The following PCLO variants were observed in gnomAD, a reference collection of about 807,000 sequenced individuals.
PCLO encodes protein piccolo.
PCLO carries 82 observed loss-of-function variants against 427.5 expected under a neutral mutation model. That is an observed-to-expected ratio of 0.19 (90% CI 0.16 to 0.23). The LOEUF is 0.23. Ranked by LOEUF, PCLO falls within the 10% of genes least tolerant of loss-of-function variation. The pLI is 1.00. For synonymous variants in PCLO, 2,357 were observed against 2,155.4 expected (o/e 1.09, Z -2.59); for missense variants, 6,239 against 6,115.9 (o/e 1.02, Z -0.67).
Position 83,134,905 on chromosome 7 carries a change from C to T in PCLO, c.2645G>A (p.Arg882Gln), listed in dbSNP as rs778545849. The T allele has an allele frequency of 6.9e-6, 11 of 1,602,460 alleles. No individual in the cohort carries two copies. Among genetic ancestry groups the T allele is most frequent in the Admixed American group, 5.1e-5 (3 of 58,932 alleles). ...PKGSPTPPGP[R>Q]PTAGQTVPTP... ...GGGGACAGTTTGGCCAGCGGTAGGT[C>T]GTGGGCCAGGGGGTGTTGGTGACCC... Residue 882 changes from arginine to glutamine, a missense_variant, in exon 3 of 25, where the codon CGA becomes CAA. By Grantham distance (43) the Arg-to-Gln change is conservative (BLOSUM62 1). Around this residue, in one of 5 missense-constraint regions of PCLO, gnomAD observed 4,677 missense variants for 4,468.4 expected, o/e 1.05. Transcript: ENST00000333891.
chr7:82,988,942 C>T (rs1796315331), intron 3 of PCLO, among the ~76,000 whole-genome samples: 2 of 151,930 alleles, frequency 1.3e-5, no homozygotes, highest in Non-Finnish European at 2.9e-5. Context: ...TCAAGCGATT[C>T]TCCTGCCTCA....
intron 3 of PCLO, among the ~76,000 whole-genome samples, chr7:83,126,140 T>C (rs2116584329): frequency 6.6e-6 from 1 of 152,320 alleles, no homozygotes; most frequent in East Asian, 1.9e-4. Flanking sequence ...ACAAATTTCT[T>C]ATATTCTCAC....
intron 10 of PCLO, among the ~76,000 whole-genome samples, chr7:82,852,722 A>C (rs1437667444): frequency 1.3e-5 from 2 of 152,122 alleles, no homozygotes; most frequent in African/African-American, 4.8e-5. Flanking sequence ...TCATATATAC[A>C]TATATCCTAT....
chr7:82,891,058 C>A (rs1240289640), intron 9 of PCLO, among the ~76,000 whole-genome samples: 1 of 151,804 alleles, frequency 6.6e-6, no homozygotes, highest in Non-Finnish European at 1.5e-5. Flanking sequence ...ACATTTAATT[C>A]AAAAAATCTT....
intron 3 of PCLO, among the ~76,000 whole-genome samples, chr7:83,065,265 AG>A (rs1468547079): frequency 2.0e-5 from 3 of 151,820 alleles, no homozygotes; most frequent in African/African-American, 7.2e-5. Flanking sequence ...AATTTCTATA[AG>A]GCTTTTTCTA....
At chr7:82,775,046 G>A (rs1311450819) in intron 22 of PCLO, among the ~76,000 whole-genome samples, 1 of 151,976 alleles carries the variant, frequency 6.6e-6, no homozygotes, top group Admixed American at 6.6e-5. Flanking sequence ...TTCCTTCCAT[G>A]TCTTTCATAG....
At chr7:82,782,353 C>G (rs532320500) in intron 22 of PCLO, among the ~76,000 whole-genome samples, 7 of 152,144 alleles carry the variant, frequency 4.6e-5, no homozygotes, top group African/African-American at 1.7e-4. Context: ...AAATAACATT[C>G]CCTTCCTTTT....
chr7:82,900,184 A>C (rs749410617), intron 9 of PCLO, among the ~76,000 whole-genome samples: 3 of 151,712 alleles, frequency 2.0e-5, no homozygotes, highest in Non-Finnish European at 4.4e-5. Context: ...GGAAAACAAC[A>C]TTAGACTCCT....
chr7:82,981,317 G>T (rs140788809), intron 3 of PCLO, among the ~76,000 whole-genome samples: 1 of 151,654 alleles, frequency 6.6e-6, no homozygotes, highest in East Asian at 2.0e-4. Context: ...ATTACCCAGA[G>T]ATTATATGCA....
At chr7:82,758,782 C>CT in intron 24 of PCLO, 67 bp from the exon 25 acceptor site, 2 of 951,030 alleles carry the variant, frequency 2.1e-6, no homozygotes, top group East Asian at 2.6e-5. Flanking sequence ...AGTTTTCAAC[C>CT]TTTTTTAAGG....
chr7:82,908,880 C>T lies in PCLO; in HGVS notation c.13434G>A (p.Glu4478=). 1 of 1,611,534 alleles carries T rather than the reference C, an allele frequency of 6.2e-7. No individual in the cohort carries two copies. Among genetic ancestry groups the T allele is most frequent in the Non-Finnish European group, 8.5e-7 (1 of 1,178,548 alleles). ...VHSRPLSQHQ[E]QIIQMNGKTM... ...AATTGCTAAATATAGCACTTACTTG[C>T]TCTTGATGTTGACTGAGTGGTCTAG... The change falls in exon 8 of 25, where the codon GAG becomes GAA. Residue 4478 remains glutamate, a synonymous_variant. Transcript: ENST00000333891.
intron 22 of PCLO, among the ~76,000 whole-genome samples, chr7:82,800,867 G>A (rs968508342): frequency 2.6e-5 from 4 of 151,994 alleles, no homozygotes; most frequent in Non-Finnish European, 5.9e-5. Context: ...TTTCAGGCGT[G>A]AGCCACCGTG....
chr7:82,895,643 G>A (rs1793885406), intron 9 of PCLO, among the ~76,000 whole-genome samples: 1 of 151,918 alleles, frequency 6.6e-6, no homozygotes, highest in South Asian at 2.1e-4. Flanking sequence ...GCTTCACTGT[G>A]TGACCTAAGA....
chr7:83,106,797 A>G (rs955633539), intron 3 of PCLO, among the ~76,000 whole-genome samples: 2 of 152,178 alleles, frequency 1.3e-5, no homozygotes, highest in Admixed American at 1.3e-4. Flanking sequence ...ATCCTTGGGC[A>G]TATTTATAAA....
chr7:82,952,602 A>T lies in PCLO; in HGVS notation c.8351T>A (p.Ile2784Lys), dbSNP rs757782360. 2.5e-6 allele frequency: 4 copies of T among 1,613,788 alleles called. No individual in the cohort carries two copies. The highest frequency in any genetic ancestry group is 3.4e-6 in the Non-Finnish European group (4 of 1,179,818). ...SIINLSVTSS[I>K]VTPVSLATET... ...AGTGGCCAGAGATACAGGAGTCACTATTGATGATGTCACACTAAGATTTAT... is the reference window on the plus strand; with the variant it reads ...AGTGGCCAGAGATACAGGAGTCACTTTTGATGATGTCACACTAAGATTTAT... Residue 2784 changes from isoleucine (I) to lysine (K), a missense_variant, in exon 5 of 25, where the codon ATA becomes AAA. Around this residue, in one of 5 missense-constraint regions of PCLO, gnomAD observed 4,677 missense variants for 4,468.4 expected, o/e 1.05. Transcript: ENST00000333891.
chr7:82,809,519 G>A (rs766811926), intron 20 of PCLO, among the ~76,000 whole-genome samples: 56 of 151,528 alleles, frequency 3.7e-4, no homozygotes, highest in Non-Finnish European at 7.4e-4. Context: ...GTCGTTATTG[G>A]AAGCAAAGCC....
chr7:83,097,477 C>T (rs956371375), intron 3 of PCLO, among the ~76,000 whole-genome samples: 7 of 146,304 alleles, frequency 4.8e-5, no homozygotes, highest in African/African-American at 1.7e-4. Context: ...AGCCGAGATC[C>T]TGCCACTGCA....
intron 3 of PCLO, among the ~76,000 whole-genome samples, chr7:83,070,712 T>C (rs1471465446): frequency 6.6e-6 from 1 of 152,108 alleles, no homozygotes; most frequent in Non-Finnish European, 1.5e-5. Flanking sequence ...ACACAGTAAT[T>C]TGTTACACAG....
chr7:82,819,291 T>C (rs1791740981), intron 20 of PCLO, among the ~76,000 whole-genome samples: 1 of 152,058 alleles, frequency 6.6e-6, no homozygotes, highest in East Asian at 1.9e-4. Context: ...AGACTAAATG[T>C]TTGAGAATAT....
Sources: gnomAD v4.1 joint callset for allele counts (sites outside exome capture counted in the v4.1 genomes callset) on GRCh38, gnomAD v4.1.1 for gene constraint, gnomAD v4.1.1 regional missense constraint, MANE v1.5 for transcripts, NCBI Gene and HGNC (gene_info 2026-07-23, HGNC 2026-07-21) for gene names.